Variants in MACROD2 observed in about 807,000 individuals in gnomAD.
The protein encoded by MACROD2 is ADP-ribose glycohydrolase MACROD2.
In MACROD2, 36 loss-of-function variants were observed where a neutral mutation model predicts 70.4. That is an observed-to-expected ratio of 0.51 (90% CI 0.39 to 0.68). The LOEUF (loss-of-function observed/expected upper bound fraction) is 0.68, where lower values mean the gene tolerates loss of function less well. Among genes scored for constraint, MACROD2 ranks in the 30% least tolerant of loss-of-function variants. The pLI, the probability that MACROD2 is intolerant of heterozygous loss-of-function variation, is 0.00. For synonymous variants in MACROD2, 172 were observed against 178.8 expected, an observed-to-expected ratio of 0.96 and a Z score of 0.30; for missense variants, 496 against 538.4, an observed-to-expected ratio of 0.92 and a Z score of 0.78.
intron 5 of MACROD2, among the ~76,000 whole-genome samples, chr20:15,055,369 G>A (rs148336838): frequency 2.4e-4 from 37 of 152,210 alleles, no homozygotes; most frequent in African/African-American, 8.7e-4. Flanking sequence ...GGACCTAACC[G>A]GCTGGCTGTG....
chr20:15,995,803 ATATTCCATT>A (rs773422129), intron 15 of MACROD2, among the ~76,000 whole-genome samples: 43 of 151,788 alleles, frequency 2.8e-4, no homozygotes, highest in South Asian at 8.3e-4. Flanking sequence ...TGGCTGAGTA[ATATTCCATT>A]ATACATATAT....
intron 10 of MACROD2, among the ~76,000 whole-genome samples, chr20:15,909,820 G>T (rs1466097300): frequency 6.6e-6 from 1 of 152,090 alleles, no homozygotes; most frequent in East Asian, 1.9e-4. Flanking sequence ...ACCGCGCCCG[G>T]CCGTAATACA....
At chr20:14,580,335 A>G (rs913632529) in intron 4 of MACROD2, among the ~76,000 whole-genome samples, 1 of 152,210 alleles carries the variant, frequency 6.6e-6, no homozygotes, top group South Asian at 2.1e-4. Context: ...GAAAATCCGT[A>G]CAGACTTAAT....
chr20:15,269,318 G>C (rs2077325296), intron 6 of MACROD2, among the ~76,000 whole-genome samples: 1 of 152,210 alleles, frequency 6.6e-6, no homozygotes, highest in Non-Finnish European at 1.5e-5. Flanking sequence ...CCGAACTTGA[G>C]CAAGGTTTTC....
intron 5 of MACROD2, among the ~76,000 whole-genome samples, chr20:15,127,181 T>G (rs773979381): frequency 2.5e-4 from 38 of 152,048 alleles, no homozygotes; most frequent in Non-Finnish European, 2.9e-4. Flanking sequence ...AGGAAATAAC[T>G]CTTCAACCAA....
At position 15,910,755 on chromosome 20, in the gene MACROD2, TAAGTGAGAACCAC is replaced by T. The variant is rs1189265561; in HGVS notation, c.776-22517_776-22505del. 3.9e-5 allele frequency among the ~76,000 whole-genome samples: 6 copies of T among 152,094 alleles called. 1 individual carries two copies. The highest frequency in any genetic ancestry group is 1.2e-4 in the African/African-American group (5 of 41,412). ...TCCCAAGGTGTCGCCAATGTGAAAA[TAAGTGAGAACCAC>T]AAGCAACCTACCACATGGTTTGTAG... is the stretch of plus-strand genomic sequence containing the variant. On this transcript the variant is annotated intron_variant, in intron 10 of 17. Transcript: ENST00000684519.
intron 8 of MACROD2, among the ~76,000 whole-genome samples, chr20:15,804,862 C>T (rs1216371299): frequency 6.6e-6 from 1 of 152,172 alleles, no homozygotes. Flanking sequence ...CTCCCACCTT[C>T]CCATGAGTGG....
At chr20:14,943,806 A>T (rs1304534547) in intron 5 of MACROD2, among the ~76,000 whole-genome samples, 1 of 152,162 alleles carries the variant, frequency 6.6e-6, no homozygotes, top group Admixed American at 6.5e-5. Flanking sequence ...CATGTTCCTG[A>T]CTTTCTATAA....
chr20:14,378,316 C>T (rs545969279), intron 3 of MACROD2, among the ~76,000 whole-genome samples: 21 of 152,174 alleles, frequency 1.4e-4, no homozygotes, highest in Non-Finnish European at 2.1e-4. Context: ...TACTGGCTGT[C>T]ATGGTTTCCA....
intron 5 of MACROD2, among the ~76,000 whole-genome samples, chr20:15,175,964 T>C (rs2076458159): frequency 6.6e-6 from 1 of 152,202 alleles, no homozygotes; most frequent in Non-Finnish European, 1.5e-5. Flanking sequence ...TGGGAAGCCC[T>C]CCTGCCCCAA....
At chr20:15,915,647 A>G (rs1431709292) in intron 10 of MACROD2, among the ~76,000 whole-genome samples, 1 of 152,164 alleles carries the variant, frequency 6.6e-6, no homozygotes. Context: ...TTTCACACCC[A>G]TGGTTTTTTG....
intron 2 of MACROD2, among the ~76,000 whole-genome samples, chr20:14,020,631 C>T (rs1236579706): frequency 3.3e-5 from 5 of 152,138 alleles, no homozygotes; most frequent in African/African-American, 1.2e-4. Context: ...TTTCTCCCTT[C>T]TTCTGGGTTT....
chr20:16,019,581 G>C (rs552432243), intron 15 of MACROD2, among the ~76,000 whole-genome samples: 6 of 152,144 alleles, frequency 3.9e-5, no homozygotes, highest in Non-Finnish European at 4.4e-5. Flanking sequence ...CAGTTATTCA[G>C]GAACCCAGGA....
chr20:14,864,457 T>A (rs192687524), intron 5 of MACROD2, among the ~76,000 whole-genome samples: 287 of 152,260 alleles, frequency 1.9e-3, no homozygotes, highest in Non-Finnish European at 2.8e-3. Flanking sequence ...ATTTTAAGAT[T>A]TCAATGTTTT....
intron 3 of MACROD2, among the ~76,000 whole-genome samples, chr20:14,232,848 G>C (rs2081830370): frequency 6.6e-6 from 1 of 152,244 alleles, no homozygotes; most frequent in African/African-American, 2.4e-5. Flanking sequence ...ATGAGGCCTA[G>C]CTTTCAGCTT....
At chr20:14,679,599 A>T (rs1462974566) in intron 4 of MACROD2, among the ~76,000 whole-genome samples, 1 of 152,226 alleles carries the variant, frequency 6.6e-6, no homozygotes, top group Non-Finnish European at 1.5e-5. Context: ...CTAGCAACAG[A>T]ATTGACAATA....
intron 5 of MACROD2, among the ~76,000 whole-genome samples, chr20:15,096,134 A>G (rs900519728): frequency 6.6e-6 from 1 of 152,116 alleles, no homozygotes; most frequent in African/African-American, 2.4e-5. Flanking sequence ...TGAGAAATGA[A>G]AAGACACTAG....
At chr20:14,456,743 GTC>G (rs1430888839) in intron 3 of MACROD2, among the ~76,000 whole-genome samples, 1 of 119,454 alleles carries the variant, frequency 8.4e-6, no homozygotes, top group African/African-American at 3.2e-5. Context: ...TTGAGACTGA[GTC>G]TCTCTCTGTC....
chr20:14,792,145 G>C (rs963271146), intron 5 of MACROD2, among the ~76,000 whole-genome samples: 1 of 151,758 alleles, frequency 6.6e-6, no homozygotes, highest in Non-Finnish European at 1.5e-5. Flanking sequence ...TTAACTTAGC[G>C]AACTGTTTGT....
Sources: gnomAD v4.1 joint callset for allele counts (sites outside exome capture counted in the v4.1 genomes callset) on GRCh38, gnomAD v4.1.1 for gene constraint, MANE v1.5 for transcripts, NCBI Gene and HGNC (gene_info 2026-07-23, HGNC 2026-07-21) for gene names.